ATP7B: variants seen among roughly 807,000 people sequenced by gnomAD.
ATP7B encodes ATPase copper transporting beta, also known as copper-transporting ATPase 2.
A neutral mutation model predicts 118.9 loss-of-function variants in ATP7B; 113 were observed. The observed-to-expected ratio is 0.95, with a 90% confidence interval of 0.82 to 1.11. The LOEUF (loss-of-function observed/expected upper bound fraction) is 1.11. Ranked by LOEUF, ATP7B falls within the 50% of genes most tolerant of loss-of-function variation. The probability of loss-of-function intolerance (pLI) is 0.00; values close to 1 mark genes in which losing one functional copy is unlikely to be tolerated. For missense variants in ATP7B, 1,867 were observed against 1,871.4 expected (o/e 1.00, Z 0.04); for synonymous variants, 777 against 727.4 (o/e 1.07, Z -1.10).
rs763787884 is a variant in ATP7B at position 51,974,448 on chromosome 13, T to C, written c.772A>G (p.Thr258Ala). ...TLGHQGSHVV[T>A]LQLRIDGMHC... ...ATTCCATCTATTCTCAGTTGGAGGGTGACCACATGGCTTCCTTGGTGCCCC... is the reference window on the plus strand; with the variant it reads ...ATTCCATCTATTCTCAGTTGGAGGGCGACCACATGGCTTCCTTGGTGCCCC... The change falls in exon 2 of 21, where the codon ACC (threonine) becomes GCC (alanine). Residue 258 changes from threonine (T) to alanine (A), a missense_variant. By Grantham distance (58) the Thr-to-Ala change is moderately conservative. Transcript: ENST00000242839. 1.2e-6 allele frequency: 2 copies of C among 1,613,944 alleles called. No individual in the cohort carries two copies. The highest frequency in any genetic ancestry group is 1.7e-5 in the Admixed American group (1 of 60,006).
intron 6 of ATP7B, among the ~76,000 whole-genome samples, chr13:51,961,005 C>A (rs550064524): frequency 1.3e-5 from 2 of 152,178 alleles, no homozygotes; most frequent in African/African-American, 4.8e-5. Flanking sequence ...ACCAGACCCC[C>A]AACTGGCTGT....
At position 51,946,473 on chromosome 13, in the gene ATP7B, G is replaced by C; in HGVS notation, c.2871C>G (p.Pro957=). 6.2e-7 allele frequency: 1 copy of C among 1,614,156 alleles called. No individual in the cohort carries two copies. The change falls in exon 13 of 21, where the codon CCC becomes CCG. Residue 957 remains proline, a synonymous_variant. Coordinates refer to ENST00000242839, the MANE Select transcript of ATP7B (RefSeq NM_000053.4). ...CCTCTGTCTGGGAGATGTGCTTGTT[G>C]GGGTTCTGAAAACAGGACAGAGTCA... ...FGVVQRYFPN[P]NKHISQTEVI...
chr13:51,970,859 A>T, intron 2 of ATP7B, 110 bp from the exon 3 acceptor site: 1 of 992,720 alleles, frequency 1.0e-6, no homozygotes, highest in Non-Finnish European at 1.5e-6. Context: ...GCTCCCACCG[A>T]GCAGCCTCAG....
chr13:52,008,407 C>T (rs1363990411), intron 1 of ATP7B, among the ~76,000 whole-genome samples: 1 of 152,150 alleles, frequency 6.6e-6, no homozygotes, highest in East Asian at 1.9e-4. Context: ...GATCATTGTC[C>T]ACTGGTGATT....
chr13:51,940,498 A>T (rs1957268630), intron 16 of ATP7B, among the ~76,000 whole-genome samples: 3 of 151,732 alleles, frequency 2.0e-5, no homozygotes, highest in Middle Eastern at 3.4e-3. Context: ...TACAAAATGT[A>T]GCTGGGCGTG....
At position 51,974,700 on chromosome 13, in the gene ATP7B, C is replaced by T. The variant is rs1331837177; in HGVS notation, c.520G>A (p.Val174Ile). The T allele has an allele frequency of 5.0e-6, 8 of 1,611,914 alleles. No individual in the cohort carries two copies. The East Asian group carries it at 6.7e-5, about 13-fold the overall frequency. The change falls in exon 2 of 21, where the codon GTC becomes ATC. Residue 174 changes from valine (V) to isoleucine (I), a missense_variant. Val to Ile is a conservative substitution (Grantham distance 29). Transcript: ENST00000242839. ...TCTTGGTTGCTGAGTGAGACTTTGA[C>T]TCTCACTACTCCTTGCAGTTTCCGG... ...KVRKLQGVVR[V>I]KVSLSNQEAV...
chr13:51,937,152 A>C (rs1957015393), intron 19 of ATP7B, 124 bp downstream of exon 19: 4 of 836,254 alleles, frequency 4.8e-6, no homozygotes, highest in Non-Finnish European at 3.9e-6. Flanking sequence ...AAAAAAAAAA[A>C]AACAGCCTTT....
rs1953673583 is a variant in ATP7B at position 52,004,330 on chromosome 13, C to T, written c.51+6957G>A. On this transcript the variant is annotated intron_variant, in intron 1 of 20. Coordinates refer to ENST00000242839, the MANE Select transcript of ATP7B (RefSeq NM_000053.4). Reference sequence around the variant, plus strand: ...TCAGCTATGTGCAACTTGAAATACACGGCTGCAGCACCAACAACTGTTTTA... The same window carrying T: ...TCAGCTATGTGCAACTTGAAATACATGGCTGCAGCACCAACAACTGTTTTA... Among the ~76,000 whole-genome samples, 4 of 152,310 alleles carry T rather than the reference C, an allele frequency of 2.6e-5. No homozygotes were observed. In the South Asian group the frequency reaches 8.3e-4, roughly 32 times the overall value.
At chr13:51,958,072 A>T in intron 8 of ATP7B, 1 of 565,914 alleles carries the variant, frequency 1.8e-6, no homozygotes, top group Non-Finnish European at 3.1e-6. Flanking sequence ...AGGTTTCTTT[A>T]GTTTACACAA....
At chr13:51,938,295 C>T (rs911078963) in intron 17 of ATP7B, among the ~76,000 whole-genome samples, 1 of 152,222 alleles carries the variant, frequency 6.6e-6, no homozygotes, top group South Asian at 2.1e-4. Flanking sequence ...CACCTTCCTG[C>T]AAGACCATGA....
At chr13:51,991,224 C>A (rs972208144) in intron 1 of ATP7B, among the ~76,000 whole-genome samples, 2 of 152,208 alleles carry the variant, frequency 1.3e-5, no homozygotes, top group East Asian at 3.8e-4. Context: ...TAACATCAAT[C>A]CTCCCTGCTG....
intron 1 of ATP7B, among the ~76,000 whole-genome samples, chr13:51,996,837 G>A (rs758073069): frequency 3.3e-5 from 5 of 152,194 alleles, no homozygotes; most frequent in South Asian, 2.1e-4. Context: ...TAAAGCACAC[G>A]CTGAGCAACC....
At chr13:51,989,392 C>T (rs551843573) in intron 1 of ATP7B, among the ~76,000 whole-genome samples, 3 of 152,168 alleles carry the variant, frequency 2.0e-5, no homozygotes, top group Non-Finnish European at 4.4e-5. Context: ...CAATCTCTGC[C>T]CTTCTGAGGA....
intron 9 of ATP7B, among the ~76,000 whole-genome samples, chr13:51,952,911 G>C (rs763148038): frequency 1.3e-5 from 2 of 152,172 alleles, no homozygotes; most frequent in Non-Finnish European, 2.9e-5. Flanking sequence ...ACCAGGGTAG[G>C]CTGGGGTTAC....
intron 1 of ATP7B, among the ~76,000 whole-genome samples, chr13:51,997,704 G>A (rs1953279041): frequency 1.3e-5 from 2 of 152,198 alleles, no homozygotes; most frequent in East Asian, 3.8e-4. Flanking sequence ...CAGGAGAGGA[G>A]GGATTACAAG....
chr13:51,944,150 C>A lies in ATP7B; in HGVS notation c.3202G>T (p.Glu1068Ter), dbSNP rs1272942513. 1 of 1,614,054 alleles carries A rather than the reference C, an allele frequency of 6.2e-7. No homozygotes were observed. Among genetic ancestry groups the A allele is most frequent in the East Asian group, 2.2e-5 (1 of 44,894 alleles). The change falls in exon 14 of 21, where the codon GAA becomes TAA. Residue 1068 changes from glutamate (E) to a stop codon, truncating the protein, a stop_gained. Transcript: ENST00000242839. LOFTEE classifies it high-confidence loss of function. ...GTGACTGCCACGCCCAAGGGGTGTT[C>A]ACTGCTGGCCTCCGCAGTCCCCACC... ...AVVGTAEASS[E>*]HPLGVAVTKY...
chr13:51,990,485 G>GA (rs1288573676), intron 1 of ATP7B, among the ~76,000 whole-genome samples: 23 of 151,852 alleles, frequency 1.5e-4, no homozygotes, highest in Admixed American at 6.6e-4. Flanking sequence ...ATGTTAAAAA[G>GA]AAAAAAAAGT....
At chr13:51,942,605 A>T in intron 14 of ATP7B, 51 bp from the exon 15 acceptor site, 1 of 1,608,650 alleles carries the variant, frequency 6.2e-7, no homozygotes, top group Non-Finnish European at 8.5e-7. Context: ...AGAGGGGTGA[A>T]GTGAAAGGGA....
intron 1 of ATP7B, among the ~76,000 whole-genome samples, chr13:51,992,558 A>G (rs138322113): frequency 3.2e-4 from 48 of 152,368 alleles, no homozygotes; most frequent in African/African-American, 1.1e-3. Flanking sequence ...TTGAGTCACA[A>G]TTGAAATTAA....
Sources: allele counts gnomAD v4.1 joint callset (sites outside exome capture counted in the v4.1 genomes callset), GRCh38; gene constraint gnomAD v4.1.1; transcripts MANE v1.5; gene names NCBI Gene and HGNC (gene_info 2026-07-23, HGNC 2026-07-21).